The following FAM219B variants were observed in gnomAD, a reference collection of about 807,000 sequenced individuals.
FAM219B encodes family with sequence similarity 219 member B.
Under a neutral mutation model 19.9 loss-of-function variants are expected in FAM219B, and 18 were observed. The ratio of observed to expected loss-of-function variants is 0.91; its 90% CI spans 0.63 to 1.34. FAM219B has a LOEUF of 1.34. FAM219B is among the 40% of genes most tolerant of loss of function. The pLI is 0.00. For missense variants in FAM219B, 283 were observed against 270.5 expected (o/e 1.05, Z -0.32); for synonymous variants, 123 against 117.5 (o/e 1.05, Z -0.30).
In FAM219B at chr15:74,902,318, G is replaced by A; in HGVS notation, c.*301C>T. 2.5e-6 allele frequency: 1 copy of A among 404,374 alleles called. No individual in the cohort carries two copies. The highest frequency in any genetic ancestry group is 4.4e-6 in the Non-Finnish European group (1 of 229,566). The allele number at this position is 404,374 out of a possible 1,614,324, so 25.0% of individuals were successfully genotyped here. On this transcript the variant is annotated 3_prime_UTR_variant, in exon 5 of 5. Transcript: ENST00000357635. ...ATGACAAATACCAATCAAGCTGTCT[G>A]CAAGTGTTTTCCTTAGCCACCTTTG...
Position 74,901,909 on chromosome 15 carries a change from T to C in FAM219B, c.*710A>G, listed in dbSNP as rs1466014759. ...AATATGAACATGTCAGAGCAGTTTT[T>C]CTCTAACTAGGGAAGGGCAAACCAG... On this transcript the variant is annotated 3_prime_UTR_variant, in exon 5 of 5. Coordinates refer to ENST00000357635, the MANE Select transcript of FAM219B (RefSeq NM_020447.5). 2.5e-6 allele frequency: 1 copy of C among 393,722 alleles called. No individual in the cohort carries two copies. Among genetic ancestry groups the C allele is most frequent in the Non-Finnish European group, 4.5e-6 (1 of 223,462 alleles). 24.4% of individuals were successfully genotyped at this position (393,722 alleles called of 1,614,324 possible).
Position 74,902,353 on chromosome 15 carries a change from A to C in FAM219B, c.*266T>G. ...TCCTTAGCCACCTTTGTCACCCACC[A>C]TAAGAACCAGAATTTTCTGTCTTGC... On this transcript the variant is annotated 3_prime_UTR_variant, in exon 5 of 5. Transcript: ENST00000357635. 1 of 405,854 alleles carries C rather than the reference A, an allele frequency of 2.5e-6. No homozygotes were observed. The highest frequency in any genetic ancestry group is 4.3e-6 in the Non-Finnish European group (1 of 230,820). 25.1% of individuals were successfully genotyped at this position (405,854 alleles called of 1,614,324 possible). A position where few individuals can be genotyped will look rare whatever the true frequency, so the allele number is the denominator to read the frequency against.
downstream of FAM219B, chr15:74,899,183 G>T (rs987998727): frequency 8.5e-5 from 13 of 152,324 alleles, no homozygotes; most frequent in African/African-American, 2.4e-4. Context: ...CCTGCAAGAG[G>T]CTGTCGGCTG....
chr15:74,902,803 AG>A lies in FAM219B; in HGVS notation c.430-18del. 6.3e-7 allele frequency: 1 copy of A among 1,595,022 alleles called. No homozygotes were observed. Among genetic ancestry groups the A allele is most frequent in the South Asian group, 1.1e-5 (1 of 87,266 alleles). On this transcript the variant is annotated intron_variant, in intron 4 of 4. Coordinates refer to ENST00000357635, the MANE Select transcript of FAM219B (RefSeq NM_020447.5). ...GTTCACCTGCTAAGAGAAGGAGAGG[AG>A]GGAACTATAGGCCAAGATGCAAAGC...
Position 74,902,417 on chromosome 15 carries a change from C to G in FAM219B, c.*202G>C. 2.3e-6 allele frequency: 1 copy of G among 430,642 alleles called. No individual in the cohort carries two copies. 26.7% of individuals were successfully genotyped at this position (430,642 alleles called of 1,614,324 possible). On this transcript the variant is annotated 3_prime_UTR_variant, in exon 5 of 5. Transcript: ENST00000357635. ...ACTTCTCCAAACTCTGCTCCAACAGCAGAGGAAAACTACAGAATTCTACCT... is the reference window on the plus strand; with the variant it reads ...ACTTCTCCAAACTCTGCTCCAACAGGAGAGGAAAACTACAGAATTCTACCT...
chr15:74,902,771 C>T lies in FAM219B; in HGVS notation c.445G>A (p.Val149Met). 6.2e-7 allele frequency: 1 copy of T among 1,609,098 alleles called. No individual in the cohort carries two copies. The highest frequency in any genetic ancestry group is 8.5e-7 in the Non-Finnish European group (1 of 1,177,630). Residue 149 changes from valine to methionine, a missense_variant, in exon 5 of 5, where the codon GTG becomes ATG. By Grantham distance (21) the Val-to-Met change is conservative. Coordinates refer to ENST00000357635, the MANE Select transcript of FAM219B (RefSeq NM_020447.5). ...CCATCCTGAAGCAGCTGCCGGCTCACATCCTGGTTCACCTGCTAAGAGAAG... is the reference window on the plus strand; with the variant it reads ...CCATCCTGAAGCAGCTGCCGGCTCATATCCTGGTTCACCTGCTAAGAGAAG... ...YSSAEQVNQD[V>M]SRQLLQDGYH...
At position 74,906,691 on chromosome 15, in the gene FAM219B, T is replaced by C. The variant is rs769866146; in HGVS notation, c.110A>G (p.Gln37Arg). The C allele has an allele frequency of 1.4e-6, 2 of 1,458,052 alleles. No individual in the cohort carries two copies. The highest frequency in any genetic ancestry group is 1.8e-6 in the Non-Finnish European group (2 of 1,107,430). The allele number at this position is 1,458,052 out of a possible 1,614,324, so 90.3% of individuals were successfully genotyped here. Residue 37 changes from glutamine (Q) to arginine (R), a missense_variant, in exon 1 of 5, where the codon CAG becomes CGG. Gln to Arg is a conservative substitution (Grantham distance 43). Coordinates refer to ENST00000357635, the MANE Select transcript of FAM219B (RefSeq NM_020447.5). ...APGAAGPPSG[Q>R]IGNRALRLGE... ...CAGACGGAGGGCTCTATTACCGATC[T>C]GCCCGGAGGGTGGCCCCGCAGCTCC...
chr15:74,904,625 T>A, intron 4 of FAM219B, 39 bp downstream of exon 4: 1 of 1,613,302 alleles, frequency 6.2e-7, no homozygotes, highest in Non-Finnish European at 8.5e-7. Context: ...TAATGCTGCC[T>A]GCAGCCTGGC....
In FAM219B at chr15:74,906,833, C is replaced by T. The variant is rs1347022279; in HGVS notation, c.-33G>A. The T allele has an allele frequency of 1.6e-6, 2 of 1,243,644 alleles. No homozygotes were observed. Among genetic ancestry groups the T allele is most frequent in the Middle Eastern group, 3.0e-4 (1 of 3,300 alleles). The allele number at this position is 1,243,644 out of a possible 1,614,324, so 77.0% of individuals were successfully genotyped here. A position where few individuals can be genotyped will look rare whatever the true frequency, so the allele number is the denominator to read the frequency against. Reference sequence around the variant, plus strand: ...CCCCGCCCTGCCGGATGGTGCAACCCCGCCCGTGGCGAAAGAGTGACCGGC... The same window carrying T: ...CCCCGCCCTGCCGGATGGTGCAACCTCGCCCGTGGCGAAAGAGTGACCGGC... On this transcript the variant is annotated 5_prime_UTR_variant, in exon 1 of 5. Transcript: ENST00000357635.
Position 74,900,948 on chromosome 15 carries a change from T to C in FAM219B, c.*1671A>G, listed in dbSNP as rs995438389. The C allele has an allele frequency of 3.3e-5, 5 of 152,230 alleles. No homozygotes were observed. Among genetic ancestry groups the C allele is most frequent in the African/African-American group, 9.7e-5 (4 of 41,450 alleles). 9.4% of individuals were successfully genotyped at this position (152,230 alleles called of 1,614,324 possible). Reference sequence around the variant, plus strand: ...ACAGGATTACCATCGTAAGGATGGTTGTCAGACAAATAACAAATAAGGCCG... The same window carrying C: ...ACAGGATTACCATCGTAAGGATGGTCGTCAGACAAATAACAAATAAGGCCG... On this transcript the variant is annotated 3_prime_UTR_variant, in exon 5 of 5. Coordinates refer to ENST00000357635, the MANE Select transcript of FAM219B (RefSeq NM_020447.5).
In FAM219B at chr15:74,906,348, C is replaced by T; in HGVS notation, c.232G>A (p.Ala78Thr). 6.2e-7 allele frequency: 1 copy of T among 1,612,122 alleles called. No individual in the cohort carries two copies. Among genetic ancestry groups the T allele is most frequent in the Non-Finnish European group, 8.5e-7 (1 of 1,179,414 alleles). The change falls in exon 2 of 5, where the codon GCC becomes ACC. Residue 78 changes from alanine (A) to threonine (T), a missense_variant. By Grantham distance (58) the Ala-to-Thr change is moderately conservative (BLOSUM62 0). Coordinates refer to ENST00000357635, the MANE Select transcript of FAM219B (RefSeq NM_020447.5). ...CCTTTTCTCCGCAGAACGGCCTTGG[C>T]CAGGTCCCGGTGCTTCTCTGGAAGT... Reference protein sequence around the residue: ...QAKLQKHRDLAKAVLRRKGML... With the variant: ...QAKLQKHRDLTKAVLRRKGML...
intron 3 of FAM219B, 80 bp from the exon 4 acceptor site, chr15:74,904,792 G>T: frequency 6.3e-7 from 1 of 1,580,904 alleles, no homozygotes; most frequent in South Asian, 1.1e-5. Context: ...GAGCATGCAA[G>T]GGCATCTGGA....
At chr15:74,904,559 G>A in intron 4 of FAM219B, 105 bp downstream of exon 4, 1 of 1,354,678 alleles carries the variant, frequency 7.4e-7, no homozygotes, top group South Asian at 1.2e-5. Context: ...CAGACCAGAA[G>A]TCTGGCACAG....
chr15:74,899,974 A>G (rs894574120), downstream of FAM219B: 3 of 152,258 alleles, frequency 2.0e-5, no homozygotes, highest in Non-Finnish European at 4.4e-5. Flanking sequence ...ATCCACTGCA[A>G]CACAGACACA....
rs2065121798 is a variant in FAM219B at position 74,904,916 on chromosome 15, CA to C, written c.381-205del. On this transcript the variant is annotated intron_variant, in intron 3 of 4. Coordinates refer to ENST00000357635, the MANE Select transcript of FAM219B (RefSeq NM_020447.5). ...GACAGGGTCACTCTCACTAACAATG[CA>C]AACATAACAGGGCAGGATGATCCCC... 9 of 1,499,654 alleles carry C rather than the reference CA, an allele frequency of 6.0e-6. No individual in the cohort carries two copies. In the African/African-American group the frequency reaches 8.3e-5, roughly 14 times the overall value. The allele number at this position is 1,499,654 out of a possible 1,614,324, so 92.9% of individuals were successfully genotyped here.
At chr15:74,905,301 G>C (rs2065141687) in intron 2 of FAM219B, 70 bp from the exon 3 acceptor site, 3 of 1,477,130 alleles carry the variant, frequency 2.0e-6, no homozygotes, top group Non-Finnish European at 2.8e-6. Context: ...GATAGGCAGA[G>C]TCCTCGCCCT....
chr15:74,904,172 G>C (rs981951621), intron 4 of FAM219B, among the ~76,000 whole-genome samples: 10 of 152,166 alleles, frequency 6.6e-5, no homozygotes, highest in African/African-American at 2.4e-4. Context: ...GGGTAGCAAG[G>C]CTCCTTGGAG....
At chr15:74,905,035 C>T (rs376424699) in intron 3 of FAM219B, 119 bp downstream of exon 3, 4 of 1,568,344 alleles carry the variant, frequency 2.6e-6, no homozygotes, top group South Asian at 2.3e-5. Flanking sequence ...CAGAAGAGAA[C>T]GGCCCTGGAA....
chr15:74,906,082 G>A (rs1293682145), intron 2 of FAM219B, 196 bp downstream of exon 2: 2 of 603,776 alleles, frequency 3.3e-6, no homozygotes, highest in Non-Finnish European at 5.8e-6. Flanking sequence ...TTATTCCGAA[G>A]CCCTTTATCT....
Sources: gnomAD v4.1 joint callset for allele counts (sites outside exome capture counted in the v4.1 genomes callset) on GRCh38, gnomAD v4.1.1 for gene constraint, MANE v1.5 for transcripts, NCBI Gene and HGNC (gene_info 2026-07-23, HGNC 2026-07-21) for gene names.